The following ZFHX3 variants were observed in gnomAD, a reference collection of about 807,000 sequenced individuals.
ZFHX3 encodes zinc finger homeobox 3, also known as zinc finger homeobox protein 3.
Under a neutral mutation model 279.1 loss-of-function variants are expected in ZFHX3, and 42 were observed. That is an observed-to-expected ratio of 0.15 (90% CI 0.12 to 0.19). The LOEUF is 0.19. Among genes scored for constraint, ZFHX3 ranks in the 10% least tolerant of loss-of-function variants. The pLI is 1.00. For synonymous variants in ZFHX3, 2,293 were observed against 1,957.8 expected (o/e 1.17, Z -4.52); for missense variants, 4,981 against 4,754.0 (o/e 1.05, Z -1.40).
chr16:73,667,431 C>G (rs1423857921), intron 2 of ZFHX3, among the ~76,000 whole-genome samples: 2 of 152,120 alleles, frequency 1.3e-5, no homozygotes, highest in African/African-American at 4.8e-5. Flanking sequence ...GGGAAAATCC[C>G]TAGGAGTAGG....
intron 5 of ZFHX3, among the ~76,000 whole-genome samples, chr16:72,814,335 T>A (rs908460966): frequency 5.3e-5 from 8 of 152,296 alleles, no homozygotes; most frequent in Admixed American, 3.9e-4. Flanking sequence ...GCCCTCAATC[T>A]GCCTGCCCCC....
intron 1 of ZFHX3, among the ~76,000 whole-genome samples, chr16:73,751,895 T>G (rs1469500230): frequency 6.6e-6 from 1 of 152,138 alleles, no homozygotes; most frequent in Non-Finnish European, 1.5e-5. Flanking sequence ...GGCAGGAACT[T>G]ATCTGGGGAA....
intron 3 of ZFHX3, among the ~76,000 whole-genome samples, chr16:73,331,526 C>T (rs976308999): frequency 1.3e-5 from 2 of 152,180 alleles, no homozygotes; most frequent in African/African-American, 2.4e-5. Flanking sequence ...CAAAACCATG[C>T]TATCTGGTCT....
At chr16:73,885,321 C>A (rs947484850) in intron 1 of ZFHX3, among the ~76,000 whole-genome samples, 3 of 151,990 alleles carry the variant, frequency 2.0e-5, no homozygotes, top group Non-Finnish European at 4.4e-5. Context: ...TTTTAAAAAA[C>A]TTTTTATATG....
chr16:72,912,110 G>A (rs2144191037), intron 3 of ZFHX3, among the ~76,000 whole-genome samples: 1 of 152,330 alleles, frequency 6.6e-6, no homozygotes, highest in Admixed American at 6.5e-5. Flanking sequence ...ATGTGCCATT[G>A]CTGCCTGTAC....
intron 8 of ZFHX3, among the ~76,000 whole-genome samples, chr16:73,072,371 G>C (rs937459105): frequency 6.6e-6 from 1 of 151,836 alleles, no homozygotes; most frequent in Non-Finnish European, 1.5e-5. Flanking sequence ...TTGAACCCAG[G>C]GGGTGGAAGT....
In ZFHX3 at chr16:73,586,967, C is replaced by T. The variant is rs147050603; in HGVS notation, c.-1547+93213G>A. 1.3e-4 allele frequency among the ~76,000 whole-genome samples: 20 copies of T among 152,160 alleles called. No homozygotes were observed. In the East Asian group the frequency reaches 3.9e-3, roughly 29 times the overall value. ...TATTATTTTTTCCACTATGTAAATA[C>T]TGATGTCTTCCAAAGAATGCTGAAT... On this transcript the variant is annotated intron_variant, in intron 2 of 17. Coordinates refer to the ZFHX3 transcript ENST00000641206.
At chr16:73,326,247 A>G (rs1351914473) in intron 3 of ZFHX3, among the ~76,000 whole-genome samples, 1 of 152,196 alleles carries the variant, frequency 6.6e-6, no homozygotes, top group Non-Finnish European at 1.5e-5. Flanking sequence ...CGGCCATTTA[A>G]GAATTTGGAA....
chr16:73,190,578 G>A (rs1361694852), intron 5 of ZFHX3, among the ~76,000 whole-genome samples: 1 of 152,228 alleles, frequency 6.6e-6, no homozygotes, highest in Non-Finnish European at 1.5e-5. Context: ...TATTACATAA[G>A]TGAAGAGGAT....
chr16:73,127,937 G>A (rs763214896), intron 7 of ZFHX3, among the ~76,000 whole-genome samples: 4 of 152,210 alleles, frequency 2.6e-5, no homozygotes, highest in Admixed American at 2.0e-4. Context: ...TCCCTGCTGG[G>A]TAGAAGCATT....
At chr16:72,998,044 T>C (rs1255980183) in intron 1 of ZFHX3, among the ~76,000 whole-genome samples, 1 of 151,980 alleles carries the variant, frequency 6.6e-6, no homozygotes, top group Non-Finnish European at 1.5e-5. Flanking sequence ...ATTGCACCAC[T>C]GTACTCCCGT....
intron 2 of ZFHX3, among the ~76,000 whole-genome samples, chr16:73,523,343 T>C (rs1328357143): frequency 1.3e-5 from 2 of 152,204 alleles, no homozygotes; most frequent in Non-Finnish European, 2.9e-5. Context: ...CTACGTGGTT[T>C]CTGAACTCAT....
chr16:73,609,683 G>A (rs2052226228), intron 2 of ZFHX3: 2 of 151,920 alleles, frequency 1.3e-5, no homozygotes, highest in East Asian at 3.9e-4. Context: ...GAAGAAGGAA[G>A]GAAGGGAAAG....
intron 2 of ZFHX3, among the ~76,000 whole-genome samples, chr16:73,578,232 T>C (rs951446931): frequency 1.3e-5 from 2 of 152,204 alleles, no homozygotes; most frequent in African/African-American, 4.8e-5. Context: ...TAGATTGATT[T>C]TTTTCCCACT....
intron 5 of ZFHX3, among the ~76,000 whole-genome samples, chr16:73,174,296 CAACAACAACAACAAA>C (rs1344787358): frequency 4.6e-5 from 7 of 150,992 alleles, no homozygotes; most frequent in African/African-American, 1.7e-4. Flanking sequence ...ACAACAACAA[CAACAACAACAACAAA>C]AGGAGGAATA....
chr16:73,857,654 G>C (rs538903641), intron 1 of ZFHX3, among the ~76,000 whole-genome samples: 1 of 152,338 alleles, frequency 6.6e-6, no homozygotes, highest in South Asian at 2.1e-4. Flanking sequence ...CTGGTACTGT[G>C]TAAGTCATAA....
intron 4 of ZFHX3, among the ~76,000 whole-genome samples, chr16:73,290,044 CACACACATAT>C (rs780809507): frequency 3.3e-5 from 3 of 90,168 alleles, no homozygotes; most frequent in Admixed American, 1.1e-4. Flanking sequence ...CACACACACA[CACACACATAT>C]AGACATTTAT....
chr16:73,751,210 G>A (rs2053759054), intron 1 of ZFHX3, among the ~76,000 whole-genome samples: 1 of 152,102 alleles, frequency 6.6e-6, no homozygotes, highest in South Asian at 2.1e-4. Context: ...GAATCCATGG[G>A]CACAAAGTCA....
intron 8 of ZFHX3, among the ~76,000 whole-genome samples, chr16:73,086,200 C>T (rs542725437): frequency 2.0e-5 from 3 of 152,120 alleles, no homozygotes; most frequent in Admixed American, 1.3e-4. Context: ...TTTATCAAAA[C>T]GACAAAAAAT....
Sources: allele counts gnomAD v4.1 joint callset (sites outside exome capture counted in the v4.1 genomes callset), GRCh38; gene constraint gnomAD v4.1.1; transcripts MANE v1.5; gene names NCBI Gene and HGNC (gene_info 2026-07-23, HGNC 2026-07-21).